The following AFF2 variants were observed in gnomAD, a reference collection of about 807,000 sequenced individuals.
AFF2 encodes the protein AF4/FMR2 family member 2.
In AFF2, 14 loss-of-function variants were observed where a neutral mutation model predicts 76.9. That is an observed-to-expected ratio of 0.18 (90% CI 0.12 to 0.28). The LOEUF (loss-of-function observed/expected upper bound fraction) is 0.28. Ranked by LOEUF, AFF2 falls within the 10% of genes least tolerant of loss-of-function variation. The pLI, the probability that AFF2 is intolerant of heterozygous loss-of-function variation, is 1.00. For synonymous variants in AFF2, 398 were observed against 366.7 expected (o/e 1.09, Z -0.98); for missense variants, 868 against 1,001.1 (o/e 0.87, Z 1.79).
chrX:148,602,872 A>G (rs1326171278), intron 1 of AFF2, among the ~76,000 whole-genome samples: 1 of 110,098 alleles, frequency 9.1e-6, no homozygotes, highest in Admixed American at 9.7e-5. Flanking sequence ...CAGGTAAAAT[A>G]CTTAGCACAG....
At chrX:148,827,939 T>A (rs1460101878) in intron 4 of AFF2, among the ~76,000 whole-genome samples, 4 of 111,305 alleles carry the variant, frequency 3.6e-5, no homozygotes, top group African/African-American at 1.3e-4. Context: ...GAGCTGGTGC[T>A]AAAGGAGCAA....
chrX:148,867,390 G>T (rs2070920286), intron 7 of AFF2, among the ~76,000 whole-genome samples: 1 of 112,241 alleles, frequency 8.9e-6, no homozygotes, highest in African/African-American at 3.2e-5. Flanking sequence ...TAAAAGAGAT[G>T]AGGGAAGGGC....
rs181290022 is a variant in AFF2, at chrX:148,647,171, T to C, written c.48-4828T>C. Among the ~76,000 whole-genome samples the C allele has an allele frequency of 4.5e-4, 50 of 112,212 alleles. No individual in the cohort carries two copies. The East Asian group carries it at 0.013, about 30-fold the overall frequency. On this transcript the variant is annotated intron_variant, in intron 1 of 20. Coordinates refer to ENST00000370460, the MANE Select transcript of AFF2 (RefSeq NM_002025.4). ...TGAGTGATAGCTTATGTTTGTCCTT[T>C]GAGTGGATTAAATATGTATTTTTAT...
At chrX:148,660,567 T>C (rs2054294681) in intron 2 of AFF2, among the ~76,000 whole-genome samples, 1 of 112,145 alleles carries the variant, frequency 8.9e-6, no homozygotes, top group Non-Finnish European at 1.9e-5. Flanking sequence ...TGAAAAATCT[T>C]AGATGTTAAA....
intron 3 of AFF2, among the ~76,000 whole-genome samples, chrX:148,732,029 A>T (rs1290738744): frequency 1.6e-5 from 1 of 61,236 alleles, no homozygotes; most frequent in East Asian, 4.1e-4. Context: ...TTCCTCAGGG[A>T]TCTAGAACTA....
chrX:148,672,099 A>G (rs782547400), intron 3 of AFF2, among the ~76,000 whole-genome samples: 1 of 112,375 alleles, frequency 8.9e-6, no homozygotes, highest in Non-Finnish European at 1.9e-5. Context: ...AGATAACCAT[A>G]TTGATTCAAC....
At chrX:148,830,253 G>A (rs781892540) in intron 4 of AFF2, among the ~76,000 whole-genome samples, 193 of 112,289 alleles carry the variant, frequency 1.7e-3, no homozygotes, top group African/African-American at 6.1e-3. Context: ...CTGTCCTTCC[G>A]AAGCCTGCCT....
intron 3 of AFF2, among the ~76,000 whole-genome samples, chrX:148,752,768 A>T (rs1324197478): frequency 8.9e-6 from 1 of 111,954 alleles, no homozygotes; most frequent in African/African-American, 3.2e-5. Context: ...GAAAAATAGT[A>T]TGTTACTTAC....
At chrX:148,596,496 T>C (rs1279625154) in intron 1 of AFF2, among the ~76,000 whole-genome samples, 1 of 111,901 alleles carries the variant, frequency 8.9e-6, no homozygotes, top group Non-Finnish European at 1.9e-5. Context: ...CAATAGGTAC[T>C]TGAGATGTAG....
At chrX:148,697,853 C>T (rs2054739149) in intron 3 of AFF2, among the ~76,000 whole-genome samples, 1 of 111,928 alleles carries the variant, frequency 8.9e-6, no homozygotes, top group Non-Finnish European at 1.9e-5. Context: ...AATGATTTTA[C>T]TGCATTTATA....
chrX:148,684,487 G>A (rs1347692999), intron 3 of AFF2, among the ~76,000 whole-genome samples: 3 of 112,054 alleles, frequency 2.7e-5, no homozygotes, highest in Non-Finnish European at 5.6e-5. Context: ...AGTTTTAAAA[G>A]GCAGTATTTC....
At chrX:148,691,308 T>C (rs1289563110) in intron 3 of AFF2, among the ~76,000 whole-genome samples, 1 of 112,480 alleles carries the variant, frequency 8.9e-6, no homozygotes, top group African/African-American at 3.2e-5. Flanking sequence ...CATTCGCAAG[T>C]ATGAAATCTA....
At chrX:148,771,849 G>C (rs1317786796) in intron 3 of AFF2, among the ~76,000 whole-genome samples, 2 of 111,519 alleles carry the variant, frequency 1.8e-5, no homozygotes, top group Non-Finnish European at 3.8e-5. Flanking sequence ...GATTTTAAAG[G>C]GTGTAATTTT....
rs782354060 is a variant in AFF2, at chrX:148,956,130, G to A, written c.2085G>A (p.Lys695=). The A allele has an allele frequency of 8.3e-7, 1 of 1,210,810 alleles. No individual in the cohort carries two copies. Among genetic ancestry groups the A allele is most frequent in the East Asian group, 3.0e-5 (1 of 33,807 alleles). The change falls in exon 11 of 21, where the codon AAG becomes AAA. Residue 695 remains lysine, a synonymous_variant. Transcript: ENST00000370460. The part of the protein sequence containing the change: ...RPNIPLAPEK[K]KYRGPGKIVP... The stretch of plus-strand genomic sequence containing the variant: ...ACATCCCTTTGGCTCCCGAGAAGAA[G>A]AAGTACAGAGGGCCTGGCAAGATTG...
At chrX:148,845,325 A>G (rs2070653876) in intron 7 of AFF2, among the ~76,000 whole-genome samples, 1 of 112,661 alleles carries the variant, frequency 8.9e-6, no homozygotes, top group African/African-American at 3.2e-5. Flanking sequence ...TGTAACTAAC[A>G]GAAATAAACT....
intron 1 of AFF2, among the ~76,000 whole-genome samples, chrX:148,591,295 A>G (rs782023830): frequency 8.9e-6 from 1 of 111,755 alleles, no homozygotes; most frequent in Non-Finnish European, 1.9e-5. Flanking sequence ...TATATGTGGA[A>G]GCTTGTCTAC....
At chrX:148,802,175 T>C (rs868966128) in intron 3 of AFF2, among the ~76,000 whole-genome samples, 10 of 112,097 alleles carry the variant, frequency 8.9e-5, no homozygotes, top group Non-Finnish European at 1.9e-4. Context: ...GCAAAATACA[T>C]AAAATAGGAA....
intron 3 of AFF2, among the ~76,000 whole-genome samples, chrX:148,801,513 A>G (rs189986832): frequency 1.3e-4 from 14 of 111,664 alleles, no homozygotes; most frequent in Admixed American, 7.6e-4. Flanking sequence ...AATTTCTCCA[A>G]CCCAGCTGCT....
At chrX:148,952,665 G>A (rs186652682) in intron 9 of AFF2, among the ~76,000 whole-genome samples, 133 of 112,137 alleles carry the variant, frequency 1.2e-3, no homozygotes, top group African/African-American at 4.1e-3. Flanking sequence ...GACGCAGAGA[G>A]CAAACGATCG....
Sources: allele counts gnomAD v4.1 joint callset (sites outside exome capture counted in the v4.1 genomes callset), GRCh38; gene constraint gnomAD v4.1.1; transcripts MANE v1.5; gene names NCBI Gene and HGNC (gene_info 2026-07-23, HGNC 2026-07-21).